PDPR: variants seen among roughly 807,000 people sequenced by gnomAD.
The protein encoded by PDPR is pyruvate dehydrogenase phosphatase regulatory subunit, mitochondrial.
PDPR carries 50 observed loss-of-function variants against 102.2 expected under a neutral mutation model. That is an observed-to-expected ratio of 0.49 (90% CI 0.39 to 0.62). PDPR has a LOEUF of 0.62. Among genes scored for constraint, PDPR ranks in the 20% least tolerant of loss-of-function variants. The pLI, the probability that PDPR is intolerant of heterozygous loss-of-function variation, is 0.00. For missense variants in PDPR, 625 were observed against 1,098.2 expected (o/e 0.57, Z 6.09); for synonymous variants, 259 against 406.0 (o/e 0.64, Z 4.35).
chr16:70,134,471 C>T (rs147273688), intron 9 of PDPR, among the ~76,000 whole-genome samples: 10,945 of 146,086 alleles, frequency 0.075, 1 homozygote, highest in Non-Finnish European at 0.11. Context: ...GCGATCCACC[C>T]GCCTCGGCCT....
chr16:70,118,079 T>A (rs1203773054), intron 2 of PDPR, among the ~76,000 whole-genome samples: 1 of 136,394 alleles, frequency 7.3e-6, no homozygotes, highest in African/African-American at 2.7e-5. Context: ...GGCGACAGAG[T>A]GAGACTCTGT....
intron 16 of PDPR, chr16:70,147,677 G>A (rs1198893583): frequency 6.6e-6 from 3 of 452,406 alleles, no homozygotes; most frequent in African/African-American, 6.0e-5. Context: ...CTTCCAGGTG[G>A]TTACTGATGG....
At chr16:70,122,909 T>C (rs1387491517) in intron 3 of PDPR, among the ~76,000 whole-genome samples, 2 of 26,862 alleles carry the variant, frequency 7.4e-5, no homozygotes, top group Non-Finnish European at 2.3e-4. Context: ...CAGTGGATAG[T>C]TTTTTTTTTG....
At chr16:70,136,090 C>T (rs1040690590) in intron 9 of PDPR, 104 bp from the exon 10 acceptor site, 2 of 888,472 alleles carry the variant, frequency 2.3e-6, no homozygotes, top group Non-Finnish European at 3.3e-6. Context: ...AAAAAAAAAT[C>T]AAGAGGTTTT....
chr16:70,156,184 G>C (rs1369271909), intron 18 of PDPR, among the ~76,000 whole-genome samples: 1 of 152,282 alleles, frequency 6.6e-6, no homozygotes, highest in Non-Finnish European at 1.5e-5. Context: ...AAGTGAGTGA[G>C]TTTTCTTCCT....
At position 70,153,419 on chromosome 16, in the gene PDPR, T is replaced by C. The variant is rs1417515449; in HGVS notation, c.2081T>C (p.Met694Thr). The C allele has an allele frequency of 1.2e-6, 2 of 1,613,852 alleles. No homozygotes were observed. The highest frequency in any genetic ancestry group is 1.7e-5 in the Admixed American group (1 of 59,956). ...EYALHVYNEV[M>T]SVGQKYGIRN... is the part of the protein sequence containing the mutation. ...GCCCTGCATGTATACAATGAAGTGA[T>C]GAGTGTTGGCCAGAAATACGGAATC... Residue 694 changes from methionine (M) to threonine (T), a missense_variant, in exon 18 of 19, where the codon ATG (methionine) becomes ACG (threonine). Met to Thr is a moderately conservative substitution (Grantham distance 81). Transcript: ENST00000288050.
At chr16:70,139,794 TA>T (rs1340164382) in intron 11 of PDPR, among the ~76,000 whole-genome samples, 1 of 152,248 alleles carries the variant, frequency 6.6e-6, no homozygotes, top group East Asian at 1.9e-4. Flanking sequence ...AAATGGTATC[TA>T]AATATTTTGG....
chr16:70,127,181 A>C lies in PDPR; in HGVS notation c.228-79A>C, dbSNP rs552052129. 1,026 of 1,545,262 alleles carry C rather than the reference A, an allele frequency of 6.6e-4. 10 individuals are homozygous for C. In the Admixed American group the frequency reaches 0.02, roughly 30 times the overall value. ...GTTTCCATCTTTTGGTGTTAGAAAC[A>C]GTATTAAATGAGAAACCCTGACCTC... On this transcript the variant is annotated intron_variant, in intron 3 of 18. Coordinates refer to ENST00000288050, the MANE Select transcript of PDPR (RefSeq NM_017990.5).
intron 17 of PDPR, among the ~76,000 whole-genome samples, chr16:70,149,417 C>T (rs1966522614): frequency 6.6e-6 from 1 of 152,230 alleles, no homozygotes; most frequent in Non-Finnish European, 1.5e-5. Flanking sequence ...AGGTGCACGC[C>T]ACCACGCCTG....
intron 10 of PDPR, 109 bp from the exon 11 acceptor site, chr16:70,138,790 G>A (rs1365939747): frequency 1.3e-5 from 20 of 1,579,132 alleles, no homozygotes; most frequent in African/African-American, 1.1e-4. Flanking sequence ...CTATTCAGCT[G>A]GTCTATGGCA....
At chr16:70,154,329 G>T (rs1966879867) in intron 18 of PDPR, among the ~76,000 whole-genome samples, 2 of 152,158 alleles carry the variant, frequency 1.3e-5, no homozygotes, top group African/African-American at 4.8e-5. Context: ...CTCCGTCTCA[G>T]AAAAAAGAAA....
intron 3 of PDPR, 57 bp downstream of exon 3, chr16:70,120,776 C>T (rs1963164438): frequency 8.7e-7 from 1 of 1,144,974 alleles, no homozygotes; most frequent in African/African-American, 1.5e-5. Context: ...TATAAGATTC[C>T]CTCTCCTTTC....
At chr16:70,137,410 C>G (rs549652882) in intron 10 of PDPR, among the ~76,000 whole-genome samples, 192 of 152,272 alleles carry the variant, frequency 1.3e-3, no homozygotes, top group African/African-American at 4.3e-3. Flanking sequence ...TTAAATAAGC[C>G]AGTCACAAAA....
intron 17 of PDPR, among the ~76,000 whole-genome samples, chr16:70,150,290 GAC>G (rs1966622865): frequency 6.6e-6 from 1 of 151,828 alleles, no homozygotes; most frequent in Non-Finnish European, 1.5e-5. Flanking sequence ...TTTTAGTAGA[GAC>G]AGGATTTCAC....
chr16:70,150,792 G>A (rs1415254456), intron 17 of PDPR, among the ~76,000 whole-genome samples: 1 of 152,238 alleles, frequency 6.6e-6, no homozygotes, highest in African/African-American at 2.4e-5. Context: ...GATTACATGT[G>A]TGAGCCACTA....
chr16:70,155,268 A>G lies in PDPR; in HGVS notation c.2236-1207A>G, dbSNP rs529144695. Among the ~76,000 whole-genome samples the G allele has an allele frequency of 2.0e-5, 3 of 152,084 alleles. No individual in the cohort carries two copies. In the South Asian group the frequency reaches 6.2e-4, roughly 32 times the overall value. ...AAAATCACCCATATTTTGTCTATTT[A>G]ATGGTAGTAACTATTTTTTTTTTCT... On this transcript the variant is annotated intron_variant, in intron 18 of 18. Transcript: ENST00000288050.
Position 70,156,952 on chromosome 16 carries a change from C to T in PDPR, c.*73C>T. 1 of 1,549,306 alleles carries T rather than the reference C, an allele frequency of 6.5e-7. No homozygotes were observed. Among genetic ancestry groups the T allele is most frequent in the Non-Finnish European group, 8.8e-7 (1 of 1,138,584 alleles). On this transcript the variant is annotated 3_prime_UTR_variant, in exon 19 of 19. Coordinates refer to ENST00000288050, the MANE Select transcript of PDPR (RefSeq NM_017990.5). ...GGGCGTCACCTTGGAGCTTCTCTTC[C>T]TTCCGCCTCTGTTCCTCTTCTGGAG...
Position 70,132,478 on chromosome 16 carries a change from AG to A in PDPR, c.997+182del, listed in dbSNP as rs1315202134. 3.3e-5 allele frequency among the ~76,000 whole-genome samples: 5 copies of A among 152,262 alleles called. No individual in the cohort carries two copies. The East Asian group carries it at 9.6e-4, about 29-fold the overall frequency. ...GATGGAGTTACTAGGTAGCAGATTC[AG>A]GGGACTAAAATCTTAGTTAATAGAC... On this transcript the variant is annotated intron_variant, in intron 9 of 18. Coordinates refer to ENST00000288050, the MANE Select transcript of PDPR (RefSeq NM_017990.5).
chr16:70,125,215 A>G (rs1963799008), intron 3 of PDPR, among the ~76,000 whole-genome samples: 1 of 152,250 alleles, frequency 6.6e-6, no homozygotes. Flanking sequence ...CATCTCTACT[A>G]AAAATACAAA....
Sources: gnomAD v4.1 joint callset for allele counts (sites outside exome capture counted in the v4.1 genomes callset) on GRCh38, gnomAD v4.1.1 for gene constraint, MANE v1.5 for transcripts, NCBI Gene and HGNC (gene_info 2026-07-23, HGNC 2026-07-21) for gene names.